SBNO1: variants seen among roughly 807,000 people sequenced by gnomAD.
SBNO1 encodes the protein strawberry notch homolog 1, also known as protein strawberry notch homolog 1.
SBNO1 carries 23 observed loss-of-function variants against 173.6 expected under a neutral mutation model. The observed-to-expected ratio is 0.13, with a 90% confidence interval of 0.10 to 0.19. SBNO1 has a LOEUF of 0.19. Ranked by LOEUF, SBNO1 falls within the 10% of genes least tolerant of loss-of-function variation. SBNO1 has a pLI of 1.00. For synonymous variants in SBNO1, 632 were observed against 571.5 expected, an observed-to-expected ratio of 1.11 and a Z score of -1.51; for missense variants, 1,238 against 1,671.2, an observed-to-expected ratio of 0.74 and a Z score of 4.52.
chr12:123,312,392 T>G (rs1000756650), intron 24 of SBNO1, among the ~76,000 whole-genome samples: 1 of 152,152 alleles, frequency 6.6e-6, no homozygotes, highest in Admixed American at 6.6e-5. Flanking sequence ...TATGTGCTAA[T>G]CTACCAAAAG....
At chr12:123,314,095 C>G (rs894699846) in intron 23 of SBNO1, among the ~76,000 whole-genome samples, 1 of 152,006 alleles carries the variant, frequency 6.6e-6, no homozygotes, top group Non-Finnish European at 1.5e-5. Flanking sequence ...TCAACAAAAC[C>G]CCAAAAAACC....
intron 1 of SBNO1, among the ~76,000 whole-genome samples, chr12:123,352,427 C>G (rs1341410029): frequency 6.6e-6 from 1 of 151,766 alleles, no homozygotes; most frequent in African/African-American, 2.4e-5. Context: ...CTGCCTCACC[C>G]TCCCAAGTAG....
At position 123,336,565 on chromosome 12, in the gene SBNO1, C is replaced by A. The variant is rs536710860; in HGVS notation, c.652-74G>T. 3.3e-5 allele frequency: 28 copies of A among 850,920 alleles called. No individual in the cohort carries two copies. The South Asian group carries it at 3.9e-4, about 12-fold the overall frequency. 52.7% of individuals were successfully genotyped at this position (850,920 alleles called of 1,614,324 possible). A position where few individuals can be genotyped will look rare whatever the true frequency, so the allele number is the denominator to read the frequency against. ...CCCAGCCAACACACAGAAAAACTCT[C>A]TTGTAGGAACACCTACAAATTTCCA... On this transcript the variant is annotated intron_variant, in intron 5 of 31. Transcript: ENST00000602398.
intron 19 of SBNO1, 24 bp from the exon 20 acceptor site, chr12:123,320,055 A>T (rs1869768149): frequency 6.2e-7 from 1 of 1,613,500 alleles, no homozygotes; most frequent in African/African-American, 1.3e-5. Context: ...CAATGTCATT[A>T]CAATGAAGGT....
chr12:123,345,453 T>G lies in SBNO1; in HGVS notation c.355A>C (p.Thr119Pro). 6.2e-7 allele frequency: 1 copy of G among 1,614,184 alleles called. No individual in the cohort carries two copies. ...PPVTTNRQTI[T>P]LTKFIQTTAS... is the part of the protein sequence containing the mutation. Reference sequence around the variant, plus strand: ...GTAGTCTGGATAAACTTAGTTAAAGTGATGGTTTGCCTGTTGGTTGTTACA... The same window carrying G: ...GTAGTCTGGATAAACTTAGTTAAAGGGATGGTTTGCCTGTTGGTTGTTACA... Residue 119 changes from threonine (T) to proline (P), a missense_variant, in exon 4 of 32, where the codon ACT (threonine) becomes CCT (proline). This residue lies in a region of SBNO1 where 287 missense variants were observed against 274.1 expected (regional missense o/e 1.05). Transcript: ENST00000602398.
chr12:123,353,358 G>C (rs1474809211), intron 1 of SBNO1, among the ~76,000 whole-genome samples: 1 of 152,180 alleles, frequency 6.6e-6, no homozygotes, highest in Non-Finnish European at 1.5e-5. Context: ...TTAGAAACTA[G>C]ATAGTTCAAA....
At chr12:123,340,670 G>A (rs1362630095) in intron 5 of SBNO1, among the ~76,000 whole-genome samples, 7 of 150,106 alleles carry the variant, frequency 4.7e-5, no homozygotes, top group East Asian at 1.9e-4. Context: ...ATTCAAGTTC[G>A]GTCCTAAAAT....
intron 4 of SBNO1, among the ~76,000 whole-genome samples, chr12:123,341,578 T>C (rs755526040): frequency 7.9e-5 from 12 of 152,198 alleles, no homozygotes; most frequent in African/African-American, 2.4e-4. Context: ...ATGGAGTGCG[T>C]TGGCGCAATC....
intron 1 of SBNO1, among the ~76,000 whole-genome samples, chr12:123,362,692 C>G (rs1875474934): frequency 6.9e-6 from 1 of 145,442 alleles, no homozygotes; most frequent in Non-Finnish European, 1.5e-5. Flanking sequence ...TTGTTTGAAC[C>G]CTGAAGGCAG....
At position 123,334,088 on chromosome 12, in the gene SBNO1, C is replaced by A; in HGVS notation, c.874G>T (p.Ala292Ser). The change falls in exon 7 of 32, where the codon GCA becomes TCA. Residue 292 changes from alanine to serine, a missense_variant. Ala to Ser is a moderately conservative substitution (Grantham distance 99, BLOSUM62 1). Coordinates refer to ENST00000602398, the MANE Select transcript of SBNO1 (RefSeq NM_001167856.3). ...TATGTAATTGCCTCAAGCTGCAATG[C>A]TGATAACCAGCCATTATCAATGGTT... ...EETIDNGWLSALQLEAITYAA... is the reference protein window; with the variant it reads ...EETIDNGWLSSLQLEAITYAA... 1 of 1,600,886 alleles carries A rather than the reference C, an allele frequency of 6.2e-7. No individual in the cohort carries two copies. Among genetic ancestry groups the A allele is most frequent in the South Asian group, 1.2e-5 (1 of 86,296 alleles).
intron 16 of SBNO1, 76 bp downstream of exon 16, chr12:123,323,604 T>A (rs1051105380): frequency 9.3e-7 from 1 of 1,076,864 alleles, no homozygotes; most frequent in Non-Finnish European, 1.3e-6. Context: ...TCTGCCCACC[T>A]CAGCCTCCCA....
intron 9 of SBNO1, among the ~76,000 whole-genome samples, 183 bp downstream of exon 9, chr12:123,330,236 G>A (rs1195874865): frequency 6.6e-6 from 1 of 152,142 alleles, no homozygotes; most frequent in East Asian, 1.9e-4. Context: ...GCTACTGCCT[G>A]TCAGTGTTTA....
In SBNO1 at chr12:123,309,601, A is replaced by T. The variant is rs898683594; in HGVS notation, c.3443-18T>A. 1.2e-6 allele frequency: 2 copies of T among 1,608,578 alleles called. No homozygotes were observed. Among genetic ancestry groups the T allele is most frequent in the Non-Finnish European group, 8.5e-7 (1 of 1,175,364 alleles). ...ACCAAGATCTTGAACAAGAAAAAGA[A>T]ACATGTAAATGTAAAAAGAACATTT... On this transcript the variant is annotated intron_variant, in intron 26 of 31. Coordinates refer to ENST00000602398, the MANE Select transcript of SBNO1 (RefSeq NM_001167856.3).
chr12:123,309,767 G>C lies in SBNO1; in HGVS notation c.3385C>G (p.Leu1129Val). 6.2e-7 allele frequency: 1 copy of C among 1,613,178 alleles called. No individual in the cohort carries two copies. The highest frequency in any genetic ancestry group is 8.5e-7 in the Non-Finnish European group (1 of 1,179,720). Residue 1129 changes from leucine (L) to valine (V), a missense_variant, in exon 26 of 32, where the codon CTT (leucine) becomes GTT (valine). This residue lies in a region of SBNO1 where 351 missense variants were observed against 420.3 expected (regional missense o/e 0.84). Transcript: ENST00000602398. Reference sequence around the variant, plus strand: ...TTGGCATTTTGAACAACTGCAGTAAGTGTGTCCGCAAAATACTGAAATAAC... The same window carrying C: ...TTGGCATTTTGAACAACTGCAGTAACTGTGTCCGCAAAATACTGAAATAAC... ...NALFQYFADT[L>V]TAVVQNAKKN...
chr12:123,320,643 G>GT, intron 18 of SBNO1, 36 bp from the exon 19 acceptor site: 1 of 1,599,710 alleles, frequency 6.3e-7, no homozygotes, highest in Non-Finnish European at 8.5e-7. Context: ...TTAGTACAAA[G>GT]TTTAAATATT....
chr12:123,348,141 GA>G lies in SBNO1; in HGVS notation c.133-9del. ...TGCACTAAGTGGCACTGACTGGAGA[GA>G]AAACAACATCAGACAAAAAATAAAA... On this transcript the variant is annotated splice_polypyrimidine_tract_variant and intron_variant, in intron 2 of 31. Transcript: ENST00000602398. The G allele has an allele frequency of 6.7e-7, 1 of 1,486,126 alleles. No homozygotes were observed. Among genetic ancestry groups the G allele is most frequent in the Non-Finnish European group, 9.2e-7 (1 of 1,089,854 alleles). 92.1% of individuals were successfully genotyped at this position (1,486,126 alleles called of 1,614,324 possible).
intron 1 of SBNO1, among the ~76,000 whole-genome samples, chr12:123,359,912 T>C (rs1301562910): frequency 6.6e-6 from 1 of 152,178 alleles, no homozygotes; most frequent in Non-Finnish European, 1.5e-5. Flanking sequence ...TAGATAGTTA[T>C]TAATTGGTAT....
chr12:123,299,689 A>AAAAAG (rs2048720115), intron 30 of SBNO1, among the ~76,000 whole-genome samples: 1 of 150,646 alleles, frequency 6.6e-6, no homozygotes, highest in Non-Finnish European at 1.5e-5. Context: ...TTCAAAAAAA[A>AAAAAG]AAAAAAAAAA....
chr12:123,299,192 C>A (rs1223191303), intron 30 of SBNO1, among the ~76,000 whole-genome samples: 2 of 152,066 alleles, frequency 1.3e-5, no homozygotes, highest in African/African-American at 2.4e-5. Flanking sequence ...CACGGTGAAA[C>A]CCTGTCTCTA....
Sources: allele counts gnomAD v4.1 joint callset (sites outside exome capture counted in the v4.1 genomes callset), GRCh38; gene constraint gnomAD v4.1.1; regional missense constraint gnomAD v4.1.1; transcripts MANE v1.5; gene names NCBI Gene and HGNC (gene_info 2026-07-23, HGNC 2026-07-21).